BCAS3: variants seen among roughly 807,000 people sequenced by gnomAD.
The protein encoded by BCAS3 is BCAS3 microtubule associated cell migration factor, also known as BCAS4/BCAS3 fusion.
In BCAS3, 53 loss-of-function variants were observed where a neutral mutation model predicts 116.1. That is an observed-to-expected ratio of 0.46 (90% CI 0.37 to 0.57). The LOEUF (loss-of-function observed/expected upper bound fraction) is 0.57, where lower values mean the gene tolerates loss of function less well. Among genes scored for constraint, BCAS3 ranks in the 20% least tolerant of loss-of-function variants. BCAS3 has a pLI of 0.00. For missense variants in BCAS3, 917 were observed against 1,165.4 expected, an observed-to-expected ratio of 0.79 and a Z score of 3.10; for synonymous variants, 391 against 408.2, an observed-to-expected ratio of 0.96 and a Z score of 0.51.
At chr17:61,231,443 C>T (rs1182822691) in intron 22 of BCAS3, among the ~76,000 whole-genome samples, 2 of 152,056 alleles carry the variant, frequency 1.3e-5, no homozygotes, top group South Asian at 2.1e-4. Context: ...GATAAGAAAC[C>T]GGTTTTAGAA....
chr17:61,158,291 T>C (rs2077976776), intron 22 of BCAS3, among the ~76,000 whole-genome samples: 2 of 152,222 alleles, frequency 1.3e-5, no homozygotes, highest in Admixed American at 1.3e-4. Flanking sequence ...TGTGCCTTTA[T>C]ACCACATTTT....
chr17:61,134,574 TA>T lies in BCAS3; in HGVS notation c.2425+50013del, dbSNP rs2076518354. Among the ~76,000 whole-genome samples the T allele has an allele frequency of 6.6e-6, 1 of 152,210 alleles. No individual in the cohort carries two copies. The highest frequency in any genetic ancestry group is 1.9e-4 in the East Asian group (1 of 5,196). On this transcript the variant is annotated intron_variant, in intron 22 of 23. Coordinates refer to ENST00000407086, the MANE Select transcript of BCAS3 (RefSeq NM_017679.5). The surrounding 1 kb of genome is among the most constrained non-coding windows in gnomAD (Gnocchi z 4.6). The stretch of plus-strand genomic sequence containing the variant: ...GTTCTAGAATTATAGGAAAGTATTT[TA>T]AAGTCGAGAGAACTGTGTTATGGTG...
chr17:61,269,124 T>C (rs1413638524), intron 22 of BCAS3, among the ~76,000 whole-genome samples: 3 of 151,806 alleles, frequency 2.0e-5, no homozygotes, highest in Admixed American at 6.6e-5. Context: ...TTTCTTTTTT[T>C]TTTTTTTGAA....
Position 61,377,820 on chromosome 17 carries a change from C to G in BCAS3, c.2593+9326C>G, listed in dbSNP as rs1167767065. 18 of 152,244 alleles carry G rather than the reference C, an allele frequency of 1.2e-4. No individual in the cohort carries two copies. The highest frequency in any genetic ancestry group is 2.6e-4 in the Non-Finnish European group (18 of 68,046). 9.4% of individuals were successfully genotyped at this position (152,244 alleles called of 1,614,324 possible). On this transcript the variant is annotated intron_variant, in intron 23 of 23. Transcript: ENST00000407086. The surrounding 1 kb of genome is among the most constrained non-coding windows in gnomAD (Gnocchi z 4.6). ...CACTGCCAGGTAGACCTTCCCCTCT[C>G]CAGTTTACAAAGGAGGAAACGAAAG...
intron 14 of BCAS3, among the ~76,000 whole-genome samples, chr17:60,957,215 A>G (rs1206056347): frequency 2.0e-5 from 3 of 152,348 alleles, no homozygotes; most frequent in East Asian, 1.9e-4. Context: ...AAACAAAATC[A>G]GAAAAGTGTT....
At position 61,079,882 on chromosome 17, in the gene BCAS3, ATTTTTTTTTTTT is replaced by A. The variant is rs745702399; in HGVS notation, c.2327+1369_2327+1380del. Among the ~76,000 whole-genome samples the A allele has an allele frequency of 1.0e-3, 67 of 65,884 alleles. No homozygotes were observed. In the East Asian group the frequency reaches 0.011, roughly 11 times the overall value. The allele number at this position is 65,884 out of a possible 152,430, so 43.2% of individuals were successfully genotyped here. On this transcript the variant is annotated intron_variant, in intron 21 of 23. Coordinates refer to ENST00000407086, the MANE Select transcript of BCAS3 (RefSeq NM_017679.5). The stretch of plus-strand genomic sequence containing the variant: ...AAATGCTGGGATTACAGGCATGAGT[ATTTTTTTTTTTT>A]TTTTTTTTTTTTTTTGAGACTGAGT...
Position 60,961,269 on chromosome 17 carries a change from G to A in BCAS3, c.1221+13917G>A, listed in dbSNP as rs774666151. Among the ~76,000 whole-genome samples, 20 of 152,220 alleles carry A rather than the reference G, an allele frequency of 1.3e-4. No homozygotes were observed. The highest frequency in any genetic ancestry group is 7.9e-4 in the Admixed American group (12 of 15,274). ...GGAACTGGATTAAACCTCTGTATCC[G>A]TTAAGGTTCTACCAGAGAAACAGAA... On this transcript the variant is annotated intron_variant, in intron 14 of 23. Transcript: ENST00000407086. The surrounding 1 kb of genome is among the most constrained non-coding windows in gnomAD (Gnocchi z 4.8).
At chr17:61,146,105 G>GTT (rs2077187864) in intron 22 of BCAS3, among the ~76,000 whole-genome samples, 1 of 87,384 alleles carries the variant, frequency 1.1e-5, no homozygotes, top group African/African-American at 3.8e-5. Context: ...GTTACTTACT[G>GTT]GTTTTTTGTT....
chr17:61,204,826 C>G lies in BCAS3; in HGVS notation c.2425+120262C>G, dbSNP rs2081034743. ...AAGCACTTTAGGAGGCTGAGGCACG[C>G]AGATCAGTTGAGGCCAGGAGTTCGA... On this transcript the variant is annotated intron_variant, in intron 22 of 23. Transcript: ENST00000407086. This position sits in a 1 kb window ranked among gnomAD's most constrained non-coding sequence, Gnocchi z 4.2. Among the ~76,000 whole-genome samples the G allele has an allele frequency of 6.6e-6, 1 of 152,072 alleles. No homozygotes were observed. Among genetic ancestry groups the G allele is most frequent in the South Asian group, 2.1e-4 (1 of 4,826 alleles).
At chr17:61,040,338 C>G (rs1489820874) in intron 18 of BCAS3, among the ~76,000 whole-genome samples, 1 of 152,188 alleles carries the variant, frequency 6.6e-6, no homozygotes, top group Non-Finnish European at 1.5e-5. Flanking sequence ...TTTCAGAACT[C>G]AGATGCTAAT....
chr17:60,816,430 A>G lies in BCAS3; in HGVS notation c.476+8354A>G, dbSNP rs546180341. On this transcript the variant is annotated intron_variant, in intron 7 of 23. Coordinates refer to ENST00000407086, the MANE Select transcript of BCAS3 (RefSeq NM_017679.5). ...GCTGGGACTACAGGTGTGCACCACC[A>G]CGCCCAGCTAATTTTTGTATTTTTA... Among the ~76,000 whole-genome samples the G allele has an allele frequency of 1.3e-4, 19 of 151,922 alleles. No individual in the cohort carries two copies. In the South Asian group the frequency reaches 4.0e-3, roughly 32 times the overall value.
chr17:61,179,803 G>T (rs896507538), intron 22 of BCAS3, among the ~76,000 whole-genome samples: 5 of 151,682 alleles, frequency 3.3e-5, no homozygotes, highest in African/African-American at 1.2e-4. Flanking sequence ...ATGAACTCCA[G>T]AGAGAGGAGG....
intron 21 of BCAS3, among the ~76,000 whole-genome samples, chr17:61,080,504 G>A (rs138573787): frequency 0.041 from 6,249 of 151,956 alleles, 454 homozygotes; most frequent in African/African-American, 0.14. Flanking sequence ...CAGCACTTTG[G>A]GAGGCTGAGG....
At chr17:60,973,686 A>G (rs1405096472) in intron 14 of BCAS3, among the ~76,000 whole-genome samples, 3 of 151,256 alleles carry the variant, frequency 2.0e-5, no homozygotes, top group Admixed American at 2.0e-4. Context: ...TCCACCTCCC[A>G]GGTTCAAGCG....
At chr17:61,245,334 A>G (rs1389950652) in intron 22 of BCAS3, 1 of 152,204 alleles carries the variant, frequency 6.6e-6, no homozygotes, top group African/African-American at 2.4e-5. Context: ...CTACAAGTCA[A>G]GATGAGATTT....
In BCAS3 at chr17:60,990,480, G is replaced by T. The variant is rs905560192; in HGVS notation, c.1486+245G>T. On this transcript the variant is annotated intron_variant, in intron 15 of 23. Coordinates refer to ENST00000407086, the MANE Select transcript of BCAS3 (RefSeq NM_017679.5). The surrounding 1 kb of genome is among the most constrained non-coding windows in gnomAD (Gnocchi z 5.1). The stretch of plus-strand genomic sequence containing the variant: ...AGGGATATTTGGTATCATATTTATG[G>T]AATATAAAACTTGGAACTATTTTTA... Among the ~76,000 whole-genome samples the T allele has an allele frequency of 6.6e-6, 1 of 152,102 alleles. No individual in the cohort carries two copies. Among genetic ancestry groups the T allele is most frequent in the African/African-American group, 2.4e-5 (1 of 41,390 alleles).
At position 61,077,593 on chromosome 17, in the gene BCAS3, A is replaced by G. The variant is rs1221780991; in HGVS notation, c.2131-740A>G. ...ATCCCCCCCATTGAGCGTGAAATTCATAAAGCATTTTGGTATTACTGTTTT... is the reference window on the plus strand; with the variant it reads ...ATCCCCCCCATTGAGCGTGAAATTCGTAAAGCATTTTGGTATTACTGTTTT... On this transcript the variant is annotated intron_variant, in intron 20 of 23. Coordinates refer to ENST00000407086, the MANE Select transcript of BCAS3 (RefSeq NM_017679.5). The surrounding 1 kb of genome is among the most constrained non-coding windows in gnomAD (Gnocchi z 4.3). Among the ~76,000 whole-genome samples, 1 of 152,200 alleles carries G rather than the reference A, an allele frequency of 6.6e-6. No homozygotes were observed. The highest frequency in any genetic ancestry group is 2.4e-5 in the African/African-American group (1 of 41,464).
At chr17:60,809,519 A>G (rs1378348685) in intron 7 of BCAS3, among the ~76,000 whole-genome samples, 1 of 152,174 alleles carries the variant, frequency 6.6e-6, no homozygotes, top group Non-Finnish European at 1.5e-5. Flanking sequence ...TTGGTTGGTT[A>G]TAGAGTGTCT....
chr17:60,798,988 C>T (rs1196258473), intron 6 of BCAS3, among the ~76,000 whole-genome samples: 1 of 152,134 alleles, frequency 6.6e-6, no homozygotes, highest in Non-Finnish European at 1.5e-5. Flanking sequence ...GTGAGGGTGA[C>T]CTCAGGTCTT....
Sources: gnomAD v4.1 joint callset for allele counts (sites outside exome capture counted in the v4.1 genomes callset) on GRCh38, gnomAD v4.1.1 for gene constraint, Gnocchi (gnomAD v3.1) non-coding constraint, MANE v1.5 for transcripts, NCBI Gene and HGNC (gene_info 2026-07-23, HGNC 2026-07-21) for gene names.